GPM6A: variants seen among roughly 807,000 people sequenced by gnomAD.
The protein encoded by GPM6A is neuronal membrane glycoprotein M6-a.
Under a neutral mutation model 32.1 loss-of-function variants are expected in GPM6A, and 7 were observed. The observed-to-expected ratio is 0.22, with a 90% CI of 0.12 to 0.41. The LOEUF (loss-of-function observed/expected upper bound fraction) is 0.41, where lower values mean the gene tolerates loss of function less well. GPM6A is among the 10% of genes least tolerant of loss of function. The pLI is 1.00. For synonymous variants in GPM6A, 130 were observed against 123.4 expected, an observed-to-expected ratio of 1.05 and a Z score of -0.35; for missense variants, 235 against 347.2, an observed-to-expected ratio of 0.68 and a Z score of 2.57.
chr4:175,755,296 A>G (rs1354517145), intron 1 of GPM6A, among the ~76,000 whole-genome samples: 1 of 152,170 alleles, frequency 6.6e-6, no homozygotes, highest in East Asian at 1.9e-4. Context: ...CAAATATGGT[A>G]TCCTTAGCTA....
chr4:175,713,966 T>G (rs1245001951), intron 1 of GPM6A, among the ~76,000 whole-genome samples: 1 of 152,226 alleles, frequency 6.6e-6, no homozygotes, highest in Non-Finnish European at 1.5e-5. Flanking sequence ...TGTCTTTTAG[T>G]CCTTCTGTGA....
At chr4:175,658,751 T>C (rs1742231509) in intron 3 of GPM6A, among the ~76,000 whole-genome samples, 1 of 152,142 alleles carries the variant, frequency 6.6e-6, no homozygotes. Context: ...AAATATAAAA[T>C]CTATTTATAT....
At chr4:175,829,059 A>C (rs1735525596) in intron 1 of GPM6A, among the ~76,000 whole-genome samples, 1 of 152,070 alleles carries the variant, frequency 6.6e-6, no homozygotes, top group South Asian at 2.1e-4. Flanking sequence ...AAGTAGCTGG[A>C]ACTACAAGCA....
intron 1 of GPM6A, among the ~76,000 whole-genome samples, chr4:175,889,519 A>C (rs1431010029): frequency 1.9e-5 from 1 of 52,364 alleles, no homozygotes; most frequent in Non-Finnish European, 4.5e-5. Context: ...CCCTGTCTCC[A>C]AAAAAAAAAA....
intron 1 of GPM6A, among the ~76,000 whole-genome samples, chr4:175,739,057 G>A (rs1455734398): frequency 1.3e-5 from 2 of 152,142 alleles, no homozygotes; most frequent in African/African-American, 4.8e-5. Flanking sequence ...GCAAGCATTT[G>A]GTATAAGTCT....
At chr4:175,922,161 T>C (rs1351505772) in intron 1 of GPM6A, among the ~76,000 whole-genome samples, 1 of 152,194 alleles carries the variant, frequency 6.6e-6, no homozygotes, top group Admixed American at 6.5e-5. Context: ...ATGTGAAGAT[T>C]GTAAGAGAAA....
At chr4:175,970,872 C>A (rs1249790204) in intron 1 of GPM6A, 4 of 456,154 alleles carry the variant, frequency 8.8e-6, no homozygotes, top group Non-Finnish European at 1.8e-5. Context: ...ACTGCTCTTA[C>A]CAAGTGTAGG....
intron 1 of GPM6A, among the ~76,000 whole-genome samples, chr4:175,895,317 C>T (rs1220136207): frequency 6.6e-6 from 1 of 151,808 alleles, no homozygotes; most frequent in Admixed American, 6.6e-5. Context: ...GATTCAAAAT[C>T]CTATTTATAT....
intron 6 of GPM6A, among the ~76,000 whole-genome samples, chr4:175,636,937 C>CATAT (rs562869711): frequency 0.042 from 5,203 of 124,154 alleles, 367 homozygotes; most frequent in African/African-American, 0.14. Flanking sequence ...TTCACTCATG[C>CATAT]ATATATATAT....
At chr4:175,661,877 T>C (rs1384491528) in intron 3 of GPM6A, among the ~76,000 whole-genome samples, 21 of 152,024 alleles carry the variant, frequency 1.4e-4, no homozygotes, top group Admixed American at 1.2e-3. Context: ...ACATATATCA[T>C]ATACGTGTGT....
chr4:175,780,968 G>A (rs1733592114), intron 1 of GPM6A, among the ~76,000 whole-genome samples: 1 of 152,044 alleles, frequency 6.6e-6, no homozygotes, highest in Non-Finnish European at 1.5e-5. Context: ...TTGTGGTGGA[G>A]GAATTTAGGA....
At chr4:175,755,361 A>C (rs1732488336) in intron 1 of GPM6A, among the ~76,000 whole-genome samples, 2 of 152,186 alleles carry the variant, frequency 1.3e-5, no homozygotes, top group Non-Finnish European at 2.9e-5. Flanking sequence ...CTACAGAATT[A>C]ACATTTTAAG....
chr4:175,939,488 T>G (rs1164914270), intron 1 of GPM6A, among the ~76,000 whole-genome samples: 1 of 152,162 alleles, frequency 6.6e-6, no homozygotes, highest in Non-Finnish European at 1.5e-5. Context: ...GCCAGACAAG[T>G]TAAAAGTACT....
intron 1 of GPM6A, among the ~76,000 whole-genome samples, chr4:175,709,580 T>C (rs1745415580): frequency 6.6e-6 from 1 of 151,744 alleles, no homozygotes; most frequent in East Asian, 1.9e-4. Flanking sequence ...ATACAAAAAT[T>C]AGCCGAGCGT....
At chr4:175,720,592 G>A (rs990846021) in intron 1 of GPM6A, among the ~76,000 whole-genome samples, 15 of 152,042 alleles carry the variant, frequency 9.9e-5, no homozygotes, top group Admixed American at 6.6e-5. Flanking sequence ...AGCTTTATAC[G>A]TCCTGCATTT....
At chr4:175,786,178 T>C (rs865925761) in intron 1 of GPM6A, among the ~76,000 whole-genome samples, 6 of 152,048 alleles carry the variant, frequency 3.9e-5, no homozygotes, top group African/African-American at 7.2e-5. Flanking sequence ...GGAGACACCA[T>C]GAGGAGAAAT....
At chr4:175,843,346 T>C (rs1447430494) in intron 1 of GPM6A, among the ~76,000 whole-genome samples, 1 of 152,196 alleles carries the variant, frequency 6.6e-6, no homozygotes, top group East Asian at 1.9e-4. Flanking sequence ...GACAGGAACA[T>C]GCTTAAGCTA....
intron 1 of GPM6A, among the ~76,000 whole-genome samples, chr4:175,711,409 AAT>A (rs36105210): frequency 0.023 from 1,216 of 53,190 alleles, 31 homozygotes; most frequent in Non-Finnish European, 0.026. Flanking sequence ...TGGCACACCA[AAT>A]ATATATATAT....
intron 1 of GPM6A, among the ~76,000 whole-genome samples, chr4:175,906,455 A>G (rs1738133349): frequency 6.6e-6 from 1 of 152,156 alleles, no homozygotes. Flanking sequence ...CAAATAGATA[A>G]AAACCAATTT....
Sources: allele counts gnomAD v4.1 joint callset (sites outside exome capture counted in the v4.1 genomes callset), GRCh38; gene constraint gnomAD v4.1.1; transcripts MANE v1.5; gene names NCBI Gene and HGNC (gene_info 2026-07-23, HGNC 2026-07-21).